TENM1: variants seen among roughly 807,000 people sequenced by gnomAD.
TENM1 encodes teneurin-1.
Under a neutral mutation model 174.8 loss-of-function variants are expected in TENM1, and 35 were observed. The observed-to-expected ratio is 0.20, with a 90% confidence interval of 0.15 to 0.27. The LOEUF (loss-of-function observed/expected upper bound fraction) is 0.27. Among genes scored for constraint, TENM1 ranks in the 10% least tolerant of loss-of-function variants. The pLI is 1.00. For missense variants in TENM1, 1,633 were observed against 2,130.1 expected, an observed-to-expected ratio of 0.77 and a Z score of 4.59; for synonymous variants, 781 against 798.7, an observed-to-expected ratio of 0.98 and a Z score of 0.37.
At chrX:124,406,202 A>G (rs2060459990) in intron 26 of TENM1, 115 bp downstream of exon 29, 1 of 572,615 alleles carries the variant, frequency 1.7e-6, no homozygotes, top group African/African-American at 2.3e-5. Context: ...GAAAACAGGA[A>G]GAGTACATCT....
chrX:124,498,392 C>T (rs770344366), intron 19 of TENM1, among the ~76,000 whole-genome samples: 1 of 110,842 alleles, frequency 9.0e-6, no homozygotes, highest in Admixed American at 9.6e-5. Flanking sequence ...TGGTTTAATA[C>T]CTTTCAATAG....
chrX:124,510,102 C>A (rs1433852769), intron 18 of TENM1, among the ~76,000 whole-genome samples: 2 of 112,363 alleles, frequency 1.8e-5, no homozygotes, highest in African/African-American at 6.5e-5. Context: ...TAATACATAA[C>A]AATTAGATAT....
At chrX:124,764,209 T>C (rs922841751) in intron 3 of TENM1, among the ~76,000 whole-genome samples, 5 of 111,550 alleles carry the variant, frequency 4.5e-5, no homozygotes, top group Non-Finnish European at 5.6e-5. Context: ...TAAATGGACA[T>C]AGTCAAATGA....
At chrX:124,471,236 TATAATATATA>T (rs2061305316) in intron 22 of TENM1, among the ~76,000 whole-genome samples, 4 of 66,027 alleles carry the variant, frequency 6.1e-5, no homozygotes, top group African/African-American at 1.9e-4. Flanking sequence ...TAGTACTATA[TATAATATATA>T]ATAATATATA....
chrX:124,520,657 A>G (rs372833693), exon 18 of TENM1: 17 of 1,208,925 alleles, frequency 1.4e-5, no homozygotes, highest in Non-Finnish European at 1.7e-5. Context: ...GTGTACTTTT[A>G]TCATGCCTAC....
At chrX:124,617,537 G>A (rs761254006) in intron 11 of TENM1, among the ~76,000 whole-genome samples, 19 of 111,565 alleles carry the variant, frequency 1.7e-4, no homozygotes, top group Non-Finnish European at 3.0e-4. Flanking sequence ...GCTAGCCTCC[G>A]CCTTGGAGGT....
At chrX:124,650,431 G>T (rs2051276517) in intron 8 of TENM1, among the ~76,000 whole-genome samples, 1 of 110,881 alleles carries the variant, frequency 9.0e-6, no homozygotes, top group African/African-American at 3.3e-5. Flanking sequence ...TTGATATGTG[G>T]ATGATATGAA....
At chrX:124,573,150 C>T (rs1196655324) in intron 11 of TENM1, among the ~76,000 whole-genome samples, 1 of 111,360 alleles carries the variant, frequency 9.0e-6, no homozygotes, top group Non-Finnish European at 1.9e-5. Flanking sequence ...TTATGCAGTG[C>T]AAAAAATATA....
the TENM1 span, among the ~76,000 whole-genome samples, chrX:125,069,075 G>A: frequency 9.0e-6 from 1 of 111,168 alleles, no homozygotes; most frequent in Non-Finnish European, 1.9e-5. Flanking sequence ...AATGATGGGG[G>A]GGTTGAGCTT....
At chrX:124,745,667 G>A (rs2053900287) in intron 3 of TENM1, among the ~76,000 whole-genome samples, 1 of 110,614 alleles carries the variant, frequency 9.0e-6, no homozygotes, top group African/African-American at 3.3e-5. Context: ...ATTGTAATAA[G>A]TGATTTTCAT....
At chrX:124,391,487 C>G (rs1603247689) in intron 28 of TENM1, among the ~76,000 whole-genome samples, 1 of 111,196 alleles carries the variant, frequency 9.0e-6, no homozygotes, top group African/African-American at 3.3e-5. Flanking sequence ...TATTCCCAGA[C>G]ACAGGCCACA....
At chrX:125,181,687 G>A in the TENM1 span, among the ~76,000 whole-genome samples, 722 of 111,880 alleles carry the variant, frequency 6.5e-3, 3 homozygotes, top group Non-Finnish European at 9.1e-3. Flanking sequence ...TAGGAGGAGG[G>A]AGCACAAGTG....
intron 15 of TENM1, among the ~76,000 whole-genome samples, chrX:124,538,264 T>C (rs2048246619): frequency 8.9e-6 from 1 of 112,191 alleles, no homozygotes; most frequent in African/African-American, 3.2e-5. Context: ...CAAAGTGCTT[T>C]ATTAGGAAGC....
intron 3 of TENM1, among the ~76,000 whole-genome samples, chrX:124,752,870 G>A (rs778968417): frequency 1.8e-5 from 2 of 110,513 alleles, no homozygotes; most frequent in East Asian, 5.7e-4. Flanking sequence ...TTTGGTACCA[G>A]TACCATGCTG....
chrX:124,788,132 G>T (rs2055086323), intron 3 of TENM1, among the ~76,000 whole-genome samples: 1 of 111,268 alleles, frequency 9.0e-6, no homozygotes. Context: ...CTCCCCCCAG[G>T]TCCTTCCCAC....
chrX:125,006,233 G>A, the TENM1 span, among the ~76,000 whole-genome samples: 6 of 111,885 alleles, frequency 5.4e-5, no homozygotes, highest in Non-Finnish European at 9.4e-5. Flanking sequence ...TCCCCTGACA[G>A]TGCTAAGGAG....
intron 23 of TENM1, among the ~76,000 whole-genome samples, chrX:124,432,431 C>T (rs2060790623): frequency 9.1e-6 from 1 of 110,376 alleles, no homozygotes; most frequent in Non-Finnish European, 1.9e-5. Context: ...TTGTTTGAGA[C>T]AGAGTCTTGC....
At chrX:124,510,969 A>C (rs1298203294) in intron 18 of TENM1, among the ~76,000 whole-genome samples, 1 of 112,549 alleles carries the variant, frequency 8.9e-6, no homozygotes. Flanking sequence ...TGTGACCAGC[A>C]GTTTGAAATG....
chrX:125,034,874 C>CTAT, the TENM1 span, among the ~76,000 whole-genome samples: 1 of 111,788 alleles, frequency 8.9e-6, no homozygotes, highest in South Asian at 3.7e-4. Context: ...TTCAAATAGA[C>CTAT]TATAGCCTGT....
Sources: gnomAD v4.1 joint callset for allele counts (sites outside exome capture counted in the v4.1 genomes callset) on GRCh38, gnomAD v4.1.1 for gene constraint, MANE v1.5 for transcripts, NCBI Gene and HGNC (gene_info 2026-07-23, HGNC 2026-07-21) for gene names.